Variants in TWF1 observed in about 807,000 individuals in gnomAD.
The protein encoded by TWF1 is twinfilin actin binding protein 1, also known as twinfilin-1.
Under a neutral mutation model 47.9 loss-of-function variants are expected in TWF1, and 14 were observed. The observed-to-expected ratio is 0.29, with a 90% CI of 0.19 to 0.46. The LOEUF (loss-of-function observed/expected upper bound fraction) is 0.46. Ranked by LOEUF, TWF1 falls within the 20% of genes least tolerant of loss-of-function variation. The probability of loss-of-function intolerance (pLI) is 1.00; values close to 1 mark genes in which losing one functional copy is unlikely to be tolerated. For missense variants in TWF1, 281 were observed against 409.3 expected (o/e 0.69, Z 2.70); for synonymous variants, 96 against 139.2 (o/e 0.69, Z 2.18).
chr12:43,798,483 C>G (rs764319855), intron 5 of TWF1: 144 of 1,382,488 alleles, frequency 1.0e-4, no homozygotes, highest in Middle Eastern at 1.8e-4. Flanking sequence ...AGAAATTTTA[C>G]TTTTAAAAAA....
rs55979505 is a variant in TWF1 at position 43,797,826 on chromosome 12, G to C, written c.491C>G (p.Thr164Ser). The C allele has an allele frequency of 6.2e-7, 1 of 1,612,524 alleles. No homozygotes were observed. Among genetic ancestry groups the C allele is most frequent in the East Asian group, 2.2e-5 (1 of 44,856 alleles). ...LRQIKINEVQTDVGVDTKHQT... is the reference protein window; with the variant it reads ...LRQIKINEVQSDVGVDTKHQT... ...ATGCTTAGTGTCCACACCCACGTCA[G>C]TCTGTACCTAAGTATGACAGATTTA... is the stretch of plus-strand genomic sequence containing the variant. Residue 164 changes from threonine (T) to serine (S), a missense_variant, in exon 6 of 9, where the codon ACT becomes AGT. Coordinates refer to ENST00000395510, the MANE Select transcript of TWF1 (RefSeq NM_002822.5).
At chr12:43,805,672 A>T in intron 1 of TWF1, 1 of 709,836 alleles carries the variant, frequency 1.4e-6, no homozygotes, top group Non-Finnish European at 2.2e-6. Flanking sequence ...CTTACACTCG[A>T]GATTTCTCAG....
Position 43,799,411 on chromosome 12 carries a change from A to G in TWF1, c.470T>C (p.Ile157Thr), listed in dbSNP as rs756309852. Reference protein sequence around the residue: ...LTAAEEELRQIKINEVQTDVG... With the variant: ...LTAAEEELRQTKINEVQTDVG... ...GTTGTAACTTACCTCATTGATTTTAATCTGTCGTAGTTCTTCCTCAGCTGC... is the reference window on the plus strand; with the variant it reads ...GTTGTAACTTACCTCATTGATTTTAGTCTGTCGTAGTTCTTCCTCAGCTGC... Residue 157 changes from isoleucine (I) to threonine (T), a missense_variant, in exon 5 of 9, where the codon ATT becomes ACT. Ile to Thr is a moderately conservative substitution (Grantham distance 89, BLOSUM62 -1). Transcript: ENST00000395510. The G allele has an allele frequency of 1.9e-6, 3 of 1,605,122 alleles. No homozygotes were observed. The highest frequency in any genetic ancestry group is 2.2e-5 in the South Asian group (2 of 89,898).
intron 8 of TWF1, among the ~76,000 whole-genome samples, chr12:43,796,588 T>A (rs996508352): frequency 1.3e-5 from 2 of 152,098 alleles, no homozygotes; most frequent in Admixed American, 1.3e-4. Flanking sequence ...GTAGAAATAA[T>A]CACAAGTATG....
chr12:43,800,613 C>A, intron 3 of TWF1, 83 bp from the exon 4 acceptor site: 2 of 1,064,072 alleles, frequency 1.9e-6, no homozygotes, highest in Non-Finnish European at 2.8e-6. Context: ...ATATTAATAT[C>A]CTGAATCACA....
At chr12:43,799,742 G>C (rs1232951254) in intron 4 of TWF1, among the ~76,000 whole-genome samples, 1 of 151,894 alleles carries the variant, frequency 6.6e-6, no homozygotes, top group African/African-American at 2.4e-5. Flanking sequence ...TTTTGTATGA[G>C]TTTCATACTG....
At position 43,797,212 on chromosome 12, in the gene TWF1, G is replaced by A. The variant is rs1046304129; in HGVS notation, c.760+90C>T. 3.7e-5 allele frequency: 54 copies of A among 1,477,462 alleles called. No homozygotes were observed. In the African/African-American group the frequency reaches 7.2e-4, roughly 20 times the overall value. The allele number at this position is 1,477,462 out of a possible 1,614,324, so 91.5% of individuals were successfully genotyped here. A position where few individuals can be genotyped will look rare whatever the true frequency, so the allele number is the denominator to read the frequency against. On this transcript the variant is annotated intron_variant, in intron 7 of 8. Coordinates refer to ENST00000395510, the MANE Select transcript of TWF1 (RefSeq NM_002822.5). The stretch of plus-strand genomic sequence containing the variant: ...AGAAACTTCATAAAACTACAGCTAA[G>A]CCCTCTGGGCAAGAAATAAGTAAGA...
At position 43,802,748 on chromosome 12, in the gene TWF1, T is replaced by C. The variant is rs578158846; in HGVS notation, c.104-284A>G. Among the ~76,000 whole-genome samples, 94 of 152,338 alleles carry C rather than the reference T, an allele frequency of 6.2e-4. 1 individual carries two copies. Among genetic ancestry groups the C allele is most frequent in the Middle Eastern group, 6.8e-3 (2 of 294 alleles). On this transcript the variant is annotated intron_variant, in intron 2 of 8. Transcript: ENST00000395510. ...AGTTGAACTGAATGGTCAAATAATG[T>C]AATGACCTATAACAGTCATTACATT...
chr12:43,797,345 A>G lies in TWF1; in HGVS notation c.717T>C (p.Phe239=), dbSNP rs558637497. Residue 239 remains phenylalanine, a synonymous_variant, in exon 7 of 9, where the codon TTT becomes TTC. Coordinates refer to ENST00000395510, the MANE Select transcript of TWF1 (RefSeq NM_002822.5). ...IPKDSARYHF[F]LYKHSHEGDY... is the part of the protein sequence containing the mutation. ...CTCCTTCATGGGAATGTTTATACAG[A>G]AAGAAATGGTAACGAGCTGAATCCT... is the stretch of plus-strand genomic sequence containing the variant. 7.1e-5 allele frequency: 114 copies of G among 1,605,082 alleles called. No individual in the cohort carries two copies. The Admixed American group carries it at 1.8e-3, about 25-fold the overall frequency.
chr12:43,794,384 A>G lies in TWF1; in HGVS notation c.*1201T>C, dbSNP rs1168848834. The stretch of plus-strand genomic sequence containing the variant: ...GGTGCATATATTACCTTAGATAATA[A>G]GGTTTAGAAATGAGTGCTTCACACT... On this transcript the variant is annotated 3_prime_UTR_variant, in exon 9 of 9. Coordinates refer to ENST00000395510, the MANE Select transcript of TWF1 (RefSeq NM_002822.5). 6.6e-6 allele frequency: 1 copy of G among 152,092 alleles called. No homozygotes were observed. The highest frequency in any genetic ancestry group is 1.5e-5 in the Non-Finnish European group (1 of 67,880). The allele number at this position is 152,092 out of a possible 1,614,324, so 9.4% of individuals were successfully genotyped here. A position where few individuals can be genotyped will look rare whatever the true frequency, so the allele number is the denominator to read the frequency against.
At chr12:43,801,597 GTAGCGATTAATAAATGTA>G (rs1942662579) in intron 3 of TWF1, among the ~76,000 whole-genome samples, 1 of 152,088 alleles carries the variant, frequency 6.6e-6, no homozygotes, top group African/African-American at 2.4e-5. Flanking sequence ...CACTTGAATG[GTAGCGATTAATAAATGTA>G]TGATAATACT....
chr12:43,799,573 A>C (rs1942621395), intron 4 of TWF1, 71 bp from the exon 5 acceptor site: 1 of 751,026 alleles, frequency 1.3e-6, no homozygotes, highest in South Asian at 2.5e-5. Flanking sequence ...ACTTTAGGAA[A>C]AACAAAATCA....
At chr12:43,797,219 G>T in intron 7 of TWF1, 83 bp downstream of exon 7, 1 of 1,482,900 alleles carries the variant, frequency 6.7e-7, no homozygotes, top group South Asian at 1.3e-5. Flanking sequence ...TAAGCCCTCT[G>T]GGCAAGAAAT....
intron 2 of TWF1, among the ~76,000 whole-genome samples, chr12:43,803,417 G>C (rs1399742760): frequency 6.6e-6 from 1 of 152,120 alleles, no homozygotes. Context: ...TAAAATGCTT[G>C]AAGTAAATAA....
At position 43,806,305 on chromosome 12, in the gene TWF1, GC is replaced by G; in HGVS notation, c.-61del. ...GTGCAGCCAGCGGCCCCGGCCGGCG[GC>G]CCCAGGAAGTGGCTGCTCCTCCGCC... is the stretch of plus-strand genomic sequence containing the variant. On this transcript the variant is annotated 5_prime_UTR_variant, in exon 1 of 9. Transcript: ENST00000395510. The G allele has an allele frequency of 7.0e-7, 1 of 1,429,990 alleles. No individual in the cohort carries two copies. Among genetic ancestry groups the G allele is most frequent in the Non-Finnish European group, 9.2e-7 (1 of 1,092,500 alleles). The allele number at this position is 1,429,990 out of a possible 1,614,324, so 88.6% of individuals were successfully genotyped here.
intron 1 of TWF1, 142 bp downstream of exon 1, chr12:43,806,079 A>G (rs781360431): frequency 2.6e-6 from 4 of 1,517,646 alleles, no homozygotes; most frequent in South Asian, 1.2e-5. Flanking sequence ...GAGCGCGGAG[A>G]GGCGCCGAGG....
intron 1 of TWF1, among the ~76,000 whole-genome samples, chr12:43,805,052 GCATT>G: frequency 6.6e-6 from 1 of 152,280 alleles, no homozygotes. Flanking sequence ...ACAATAAAAT[GCATT>G]CAGTCTTAAC....
rs1942513184 is a variant in TWF1, at chr12:43,794,340, C to T, written c.*1245G>A. ...ATTATTCTAATATGCTTTACTTACT[C>T]GAACACAAATTTCTGAAAGGTGCAT... is the stretch of plus-strand genomic sequence containing the variant. On this transcript the variant is annotated 3_prime_UTR_variant, in exon 9 of 9. Transcript: ENST00000395510. The T allele has an allele frequency of 6.6e-6, 1 of 152,504 alleles. No individual in the cohort carries two copies. Among genetic ancestry groups the T allele is most frequent in the African/African-American group, 2.4e-5 (1 of 41,392 alleles). 9.4% of individuals were successfully genotyped at this position (152,504 alleles called of 1,614,324 possible).
chr12:43,799,739 T>C (rs1241463173), intron 4 of TWF1, among the ~76,000 whole-genome samples: 2 of 152,130 alleles, frequency 1.3e-5, no homozygotes, highest in Admixed American at 6.5e-5. Flanking sequence ...ATATTTTGTA[T>C]GAGTTTCATA....
Sources: allele counts gnomAD v4.1 joint callset (sites outside exome capture counted in the v4.1 genomes callset), GRCh38; gene constraint gnomAD v4.1.1; transcripts MANE v1.5; gene names NCBI Gene and HGNC (gene_info 2026-07-23, HGNC 2026-07-21).